SLC35F3: variants seen among roughly 807,000 people sequenced by gnomAD.
SLC35F3 encodes the protein solute carrier family 35 member F3.
In SLC35F3, 25 loss-of-function variants were observed where a neutral mutation model predicts 49.9. That is an observed-to-expected ratio of 0.50 (90% CI 0.37 to 0.70). SLC35F3 has a LOEUF of 0.70. Ranked by LOEUF, SLC35F3 falls within the 30% of genes least tolerant of loss-of-function variation. The pLI is 0.00. For synonymous variants in SLC35F3, 275 were observed against 265.4 expected (o/e 1.04, Z -0.35); for missense variants, 525 against 639.8 (o/e 0.82, Z 1.94).
At chr1:234,255,576 T>A (rs113335998) in intron 3 of SLC35F3, among the ~76,000 whole-genome samples, 1 of 152,214 alleles carries the variant, frequency 6.6e-6, no homozygotes, top group African/African-American at 2.4e-5. Context: ...GCTTTATTCA[T>A]AATTGCCAAA....
intron 3 of SLC35F3, among the ~76,000 whole-genome samples, chr1:234,272,959 C>T (rs1668132981): frequency 6.6e-6 from 1 of 152,170 alleles, no homozygotes; most frequent in African/African-American, 2.4e-5. Flanking sequence ...CAGTCACAGC[C>T]CCTGGGGGCT....
At chr1:234,118,473 C>T (rs911220416) in intron 2 of SLC35F3, among the ~76,000 whole-genome samples, 2 of 152,064 alleles carry the variant, frequency 1.3e-5, no homozygotes, top group Non-Finnish European at 2.9e-5. Flanking sequence ...GTTTGCATAT[C>T]GCTGGCGGGC....
intron 2 of SLC35F3, among the ~76,000 whole-genome samples, chr1:234,163,449 T>G (rs1426291325): frequency 6.6e-6 from 1 of 152,132 alleles, no homozygotes; most frequent in Non-Finnish European, 1.5e-5. Context: ...AGATCTGGGT[T>G]GCTGAGACAG....
At chr1:234,302,525 C>G (rs1309359698) in intron 3 of SLC35F3, among the ~76,000 whole-genome samples, 1 of 151,988 alleles carries the variant, frequency 6.6e-6, no homozygotes, top group Admixed American at 6.6e-5. Flanking sequence ...AAAAGGGGAA[C>G]AGAGGAAAGG....
At chr1:234,132,241 A>G (rs931313906) in intron 2 of SLC35F3, among the ~76,000 whole-genome samples, 3 of 152,138 alleles carry the variant, frequency 2.0e-5, no homozygotes, top group African/African-American at 7.2e-5. Flanking sequence ...ATTATATAAC[A>G]TCCTGCTTCA....
intron 2 of SLC35F3, among the ~76,000 whole-genome samples, chr1:234,170,019 G>A (rs759066641): frequency 7.9e-5 from 12 of 152,002 alleles, no homozygotes; most frequent in East Asian, 1.9e-4. Flanking sequence ...CGCCTGCCTC[G>A]GCCTCCCAAA....
chr1:234,207,863 G>T (rs1185009952), intron 2 of SLC35F3, among the ~76,000 whole-genome samples: 1 of 152,080 alleles, frequency 6.6e-6, no homozygotes, highest in Non-Finnish European at 1.5e-5. Context: ...TTAAAAATTA[G>T]TCAGGTGTGA....
rs188265898 is a variant in SLC35F3 at position 233,952,156 on chromosome 1, T to G, written c.283+46398T>G. ...TTATGGTGCTTTTTTTTTCTTCTACTTCTTTCATGAACTTGAAGATATAGT... is the reference window on the plus strand; with the variant it reads ...TTATGGTGCTTTTTTTTTCTTCTACGTCTTTCATGAACTTGAAGATATAGT... On this transcript the variant is annotated intron_variant, in intron 2 of 7. Coordinates refer to ENST00000366618, the MANE Select transcript of SLC35F3 (RefSeq NM_173508.4). Among the ~76,000 whole-genome samples the G allele has an allele frequency of 3.2e-3, 493 of 152,306 alleles. 2 individuals carry two copies. The highest frequency in any genetic ancestry group is 0.01 in the Middle Eastern group (3 of 294).
Position 234,059,086 on chromosome 1 carries a change from A to C in SLC35F3, c.283+153328A>C, listed in dbSNP as rs925613124. On this transcript the variant is annotated intron_variant, in intron 2 of 7. Transcript: ENST00000366618. ...TTTCTTCTTGGTCAGTCTAGCTACT[A>C]AAAGTTTGTTAATTGTATTGTTCTC... 5.9e-5 allele frequency among the ~76,000 whole-genome samples: 9 copies of C among 152,142 alleles called. 1 individual carries two copies. Among genetic ancestry groups the C allele is most frequent in the Admixed American group, 5.2e-4 (8 of 15,276 alleles).
chr1:234,262,742 C>A (rs1453610302), intron 3 of SLC35F3, among the ~76,000 whole-genome samples: 1 of 152,200 alleles, frequency 6.6e-6, no homozygotes, highest in African/African-American at 2.4e-5. Flanking sequence ...CGGTTGTGGT[C>A]TGAGGGCAGG....
chr1:233,987,572 A>G (rs1385971606), intron 2 of SLC35F3, among the ~76,000 whole-genome samples: 2 of 151,380 alleles, frequency 1.3e-5, no homozygotes, highest in Admixed American at 6.6e-5. Flanking sequence ...TGCATCTGGT[A>G]TTTTGACGTC....
rs138052712 is a variant in SLC35F3, at chr1:234,019,661, T to G, written c.283+113903T>G. On this transcript the variant is annotated intron_variant, in intron 2 of 7. Transcript: ENST00000366618. ...TAAGTTTTAGTCACATCCAAAAAAA[T>G]AGCTTCACAGCAACATCTAGACTGG... Among the ~76,000 whole-genome samples, 946 of 152,248 alleles carry G rather than the reference T, an allele frequency of 6.2e-3. 2 individuals carry two copies. The highest frequency in any genetic ancestry group is 0.014 in the Middle Eastern group (4 of 294).
intron 2 of SLC35F3, among the ~76,000 whole-genome samples, chr1:234,185,768 C>T (rs1666634386): frequency 6.6e-6 from 1 of 152,216 alleles, no homozygotes; most frequent in Admixed American, 6.5e-5. Context: ...CCATTCATCA[C>T]ATCACCATTT....
At chr1:234,311,955 T>G (rs1232135438) in intron 4 of SLC35F3, among the ~76,000 whole-genome samples, 1 of 152,158 alleles carries the variant, frequency 6.6e-6, no homozygotes, top group Non-Finnish European at 1.5e-5. Context: ...TAGAAAACAG[T>G]TGTGAGAATA....
At chr1:234,001,709 T>G (rs1663556383) in intron 2 of SLC35F3, among the ~76,000 whole-genome samples, 1 of 136,666 alleles carries the variant, frequency 7.3e-6, no homozygotes, top group South Asian at 2.4e-4. Context: ...AATCTTTTTC[T>G]TATTCAGTGG....
intron 2 of SLC35F3, among the ~76,000 whole-genome samples, chr1:233,978,999 G>T (rs982472037): frequency 2.6e-5 from 4 of 151,308 alleles, no homozygotes; most frequent in Non-Finnish European, 5.9e-5. Context: ...TTCAGCCATT[G>T]CACTCCAGCC....
intron 2 of SLC35F3, among the ~76,000 whole-genome samples, chr1:234,184,169 A>G (rs1572085416): frequency 1.3e-5 from 2 of 151,844 alleles, no homozygotes; most frequent in East Asian, 1.9e-4. Flanking sequence ...CTAAATGCAC[A>G]TGTTGCTATG....
chr1:233,939,274 A>G (rs1321432206), intron 2 of SLC35F3, among the ~76,000 whole-genome samples: 1 of 152,282 alleles, frequency 6.6e-6, no homozygotes, highest in Non-Finnish European at 1.5e-5. Flanking sequence ...CAACAAAACA[A>G]CACCCTGTCT....
At chr1:234,170,598 C>A (rs923955123) in intron 2 of SLC35F3, among the ~76,000 whole-genome samples, 4 of 152,078 alleles carry the variant, frequency 2.6e-5, no homozygotes, top group Non-Finnish European at 4.4e-5. Context: ...GGTATCCTAC[C>A]CCTCACCACA....
Sources: allele counts gnomAD v4.1 joint callset (sites outside exome capture counted in the v4.1 genomes callset), GRCh38; gene constraint gnomAD v4.1.1; transcripts MANE v1.5; gene names NCBI Gene and HGNC (gene_info 2026-07-23, HGNC 2026-07-21).